Variants in DLG2 observed in about 807,000 individuals in gnomAD.
DLG2 encodes disks large homolog 2.
Under a neutral mutation model 132.5 loss-of-function variants are expected in DLG2, and 45 were observed. That is an observed-to-expected ratio of 0.34 (90% CI 0.27 to 0.44). The LOEUF (loss-of-function observed/expected upper bound fraction) is 0.44. Ranked by LOEUF, DLG2 falls within the 20% of genes least tolerant of loss-of-function variation. The probability of loss-of-function intolerance (pLI) is 1.00; values close to 1 mark genes in which losing one functional copy is unlikely to be tolerated. For synonymous variants in DLG2, 424 were observed against 419.6 expected, an observed-to-expected ratio of 1.01 and a Z score of -0.13; for missense variants, 1,045 against 1,196.9, an observed-to-expected ratio of 0.87 and a Z score of 1.87.
chr11:85,617,404 T>C (rs2081408914), intron 2 of DLG2, among the ~76,000 whole-genome samples: 1 of 152,250 alleles, frequency 6.6e-6, no homozygotes, highest in Admixed American at 6.5e-5. Flanking sequence ...TGGGATTGAG[T>C]GTTCCTTGTC....
chr11:84,727,936 T>C (rs71418297), intron 6 of DLG2, among the ~76,000 whole-genome samples: 23 of 152,212 alleles, frequency 1.5e-4, no homozygotes, highest in Non-Finnish European at 2.8e-4. Context: ...TTTTGGCACA[T>C]TGATTTTGTA....
At chr11:85,503,413 C>G (rs2093850719) in intron 3 of DLG2, among the ~76,000 whole-genome samples, 1 of 152,076 alleles carries the variant, frequency 6.6e-6, no homozygotes, top group Non-Finnish European at 1.5e-5. Context: ...TCTAACCAGT[C>G]TCCCTGTTTT....
intron 11 of DLG2, among the ~76,000 whole-genome samples, chr11:84,014,829 A>G (rs2095084423): frequency 6.9e-6 from 1 of 145,412 alleles, no homozygotes; most frequent in Admixed American, 6.8e-5. Context: ...CCTAATCCTG[A>G]TACAGACTTT....
intron 8 of DLG2, among the ~76,000 whole-genome samples, chr11:84,172,782 T>A (rs1386828247): frequency 6.6e-6 from 1 of 152,094 alleles, no homozygotes; most frequent in Non-Finnish European, 1.5e-5. Context: ...CCTCAGGTGA[T>A]CCAACCGCCT....
chr11:83,813,615 C>T (rs12362201), intron 17 of DLG2, among the ~76,000 whole-genome samples: 5,771 of 152,128 alleles, frequency 0.038, 154 homozygotes, highest in Non-Finnish European at 0.059. Flanking sequence ...ATCAGTTAGG[C>T]GATACATGGT....
intron 9 of DLG2, among the ~76,000 whole-genome samples, chr11:84,111,680 G>A (rs1316693163): frequency 1.3e-5 from 2 of 152,206 alleles, no homozygotes; most frequent in African/African-American, 2.4e-5. Context: ...TTGAGAACCT[G>A]CTATCTGTTC....
At chr11:84,011,792 A>T (rs532831966) in intron 11 of DLG2, among the ~76,000 whole-genome samples, 1 of 152,296 alleles carries the variant, frequency 6.6e-6, no homozygotes, top group East Asian at 1.9e-4. Context: ...CAAGAGAGTT[A>T]AAACCTTGGC....
intron 4 of DLG2, among the ~76,000 whole-genome samples, 198 bp downstream of exon 4, chr11:85,285,022 A>G (rs2078468021): frequency 6.6e-6 from 1 of 151,970 alleles, no homozygotes; most frequent in Non-Finnish European, 1.5e-5. Flanking sequence ...AAATATAAAG[A>G]ATCATATCAT....
intron 18 of DLG2, among the ~76,000 whole-genome samples, chr11:83,752,011 G>C (rs2093341087): frequency 6.6e-6 from 1 of 152,216 alleles, no homozygotes; most frequent in African/African-American, 2.4e-5. Flanking sequence ...GCTCACGCCT[G>C]TAATCCCAGC....
chr11:84,383,259 C>T (rs923004665), intron 7 of DLG2, among the ~76,000 whole-genome samples: 2 of 151,864 alleles, frequency 1.3e-5, no homozygotes, highest in African/African-American at 2.4e-5. Context: ...TCCATTCCCC[C>T]GAGAAGATTT....
intron 6 of DLG2, among the ~76,000 whole-genome samples, chr11:84,750,311 T>G (rs2065946549): frequency 6.6e-6 from 1 of 152,150 alleles, no homozygotes; most frequent in Admixed American, 6.5e-5. Flanking sequence ...CCTGAATATT[T>G]GTTGAATGAA....
At chr11:85,570,527 G>A (rs1326686782) in intron 3 of DLG2, among the ~76,000 whole-genome samples, 2 of 151,918 alleles carry the variant, frequency 1.3e-5, no homozygotes, top group African/African-American at 2.4e-5. Context: ...CTTTGGCTTT[G>A]GCTTTTATCA....
rs55650627 is a variant in DLG2, at chr11:84,278,047, G to GTTTT, written c.520-26760_520-26757dup. Among the ~76,000 whole-genome samples the GTTTT allele has an allele frequency of 3.9e-3, 386 of 99,568 alleles. 7 individuals are homozygous for GTTTT. Among genetic ancestry groups the GTTTT allele is most frequent in the Middle Eastern group, 6.6e-3 (1 of 152 alleles). 65.3% of individuals were successfully genotyped at this position (99,568 alleles called of 152,430 possible). A position where few individuals can be genotyped will look rare whatever the true frequency, so the allele number is the denominator to read the frequency against. On this transcript the variant is annotated intron_variant, in intron 7 of 27. Coordinates refer to ENST00000376104, the MANE Select transcript of DLG2 (RefSeq NM_001142699.3). ...TAGCTGGGACCACACGCCTGGCTAA[G>GTTTT]TTTTTTTTTTTTTTTTTTTTTTTTG... is the stretch of plus-strand genomic sequence containing the variant.
At chr11:83,723,964 G>A (rs1002365922) in intron 18 of DLG2, among the ~76,000 whole-genome samples, 4 of 152,206 alleles carry the variant, frequency 2.6e-5, no homozygotes, top group African/African-American at 9.6e-5. Context: ...AGCTAACCAT[G>A]AGAGAGCTGG....
chr11:85,512,897 T>C (rs1175573406), intron 3 of DLG2, among the ~76,000 whole-genome samples: 1 of 152,108 alleles, frequency 6.6e-6, no homozygotes, highest in Non-Finnish European at 1.5e-5. Flanking sequence ...ACTCATTTTA[T>C]TTATTGCAGC....
At chr11:84,275,932 G>A (rs2097779696) in intron 7 of DLG2, among the ~76,000 whole-genome samples, 1 of 152,082 alleles carries the variant, frequency 6.6e-6, no homozygotes, top group Admixed American at 6.6e-5. Context: ...CAGATATAGG[G>A]GGAATTCTGA....
chr11:84,714,623 T>TTCTCTTTCTCTTTCTCTCTCTCTC (rs2060951658), intron 6 of DLG2, among the ~76,000 whole-genome samples: 1 of 104,994 alleles, frequency 9.5e-6, no homozygotes, highest in African/African-American at 4.3e-5. Context: ...CTCTTTCTCT[T>TTCTCTTTCTCTTTCTCTCTCTCTC]TCTCTCTCTC....
intron 6 of DLG2, among the ~76,000 whole-genome samples, chr11:84,783,551 G>T (rs11234178): frequency 0.27 from 40,841 of 151,934 alleles, 6,028 homozygotes; most frequent in Middle Eastern, 0.32. Flanking sequence ...CTTCTCTGCG[G>T]TCTCATGGCA....
chr11:84,848,908 G>A (rs1199743777), intron 6 of DLG2, among the ~76,000 whole-genome samples: 1 of 152,172 alleles, frequency 6.6e-6, no homozygotes, highest in African/African-American at 2.4e-5. Context: ...ACTCAGGACT[G>A]GTCTGGGACT....
Sources: allele counts gnomAD v4.1 joint callset (sites outside exome capture counted in the v4.1 genomes callset), GRCh38; gene constraint gnomAD v4.1.1; transcripts MANE v1.5; gene names NCBI Gene and HGNC (gene_info 2026-07-23, HGNC 2026-07-21).